The following CRCP variants were observed in gnomAD, a reference collection of about 807,000 sequenced individuals.
The protein encoded by CRCP is CGRP receptor component.
In CRCP, 18 loss-of-function variants were observed where a neutral mutation model predicts 18.5. The ratio of observed to expected loss-of-function variants is 0.97; its 90% confidence interval spans 0.67 to 1.44. The LOEUF (loss-of-function observed/expected upper bound fraction) is 1.44, where lower values mean the gene tolerates loss of function less well. Ranked by LOEUF, CRCP falls within the 40% of genes most tolerant of loss-of-function variation. The pLI, the probability that CRCP is intolerant of heterozygous loss-of-function variation, is 0.00. For missense variants in CRCP, 130 were observed against 176.4 expected (o/e 0.74, Z 1.49); for synonymous variants, 53 against 62.9 (o/e 0.84, Z 0.75).
chr7:66,115,322 A>G (rs549727344), intron 1 of CRCP, among the ~76,000 whole-genome samples: 2 of 152,294 alleles, frequency 1.3e-5, no homozygotes, highest in African/African-American at 4.8e-5. Context: ...TTAGAAGGCT[A>G]TAAAGGCCTG....
intron 4 of CRCP, among the ~76,000 whole-genome samples, chr7:66,142,384 G>A (rs919089517): frequency 6.6e-6 from 1 of 152,142 alleles, no homozygotes; most frequent in African/African-American, 2.4e-5. Flanking sequence ...CAAGAGGTTC[G>A]TTCCTCCACA....
At chr7:66,139,927 T>TG (rs984124794) in intron 4 of CRCP, among the ~76,000 whole-genome samples, 55 of 152,374 alleles carry the variant, frequency 3.6e-4, no homozygotes, top group African/African-American at 1.3e-3. Flanking sequence ...TACCCCCTTT[T>TG]GGGTCCTGTA....
chr7:66,133,858 C>CTTTTTTTTTTTT (rs751345422), intron 3 of CRCP, among the ~76,000 whole-genome samples: 25 of 96,714 alleles, frequency 2.6e-4, no homozygotes, highest in East Asian at 8.5e-4. Context: ...TTTTTGTTTT[C>CTTTTTTTTTTTT]TTTTTTTTTT....
intron 3 of CRCP, among the ~76,000 whole-genome samples, chr7:66,133,837 A>ATT (rs908623632): frequency 7.3e-6 from 1 of 136,628 alleles, no homozygotes; most frequent in Non-Finnish European, 1.6e-5. Flanking sequence ...TTTATACAGG[A>ATT]TTTTTTTTCT....
In CRCP at chr7:66,121,342, C is replaced by T. The variant is rs564146473; in HGVS notation, c.9-6362C>T. Among the ~76,000 whole-genome samples, 9 of 151,858 alleles carry T rather than the reference C, an allele frequency of 5.9e-5. 1 individual carries two copies. The South Asian group carries it at 8.3e-4, about 14-fold the overall frequency. ...CTGGGATTACAGGCATGAGCCACCGCGCTGGCCCAGAAATTTATTTAAGGG... is the reference window on the plus strand; with the variant it reads ...CTGGGATTACAGGCATGAGCCACCGTGCTGGCCCAGAAATTTATTTAAGGG... On this transcript the variant is annotated intron_variant, in intron 1 of 5. Transcript: ENST00000395326.
intron 5 of CRCP, among the ~76,000 whole-genome samples, chr7:66,146,474 G>C (rs549867668): frequency 2.6e-5 from 4 of 152,088 alleles, no homozygotes; most frequent in Non-Finnish European, 5.9e-5. Context: ...AGAAACTTTA[G>C]AGAATTAACA....
chr7:66,126,271 C>T (rs1250486795), intron 1 of CRCP, among the ~76,000 whole-genome samples: 1 of 149,240 alleles, frequency 6.7e-6, no homozygotes, highest in Non-Finnish European at 1.5e-5. Flanking sequence ...CGGAAGTCAC[C>T]TATCTGGCCC....
chr7:66,140,954 A>G (rs934110793), intron 4 of CRCP, among the ~76,000 whole-genome samples: 1 of 152,228 alleles, frequency 6.6e-6, no homozygotes, highest in Non-Finnish European at 1.5e-5. Flanking sequence ...AGCAGACTGT[A>G]GTATTCAAGG....
intron 3 of CRCP, among the ~76,000 whole-genome samples, chr7:66,133,541 CA>C (rs67165211): frequency 0.28 from 19,888 of 71,792 alleles, 1,490 homozygotes; most frequent in Middle Eastern, 0.41. Flanking sequence ...GACTCCGTCT[CA>C]AAAAAAAAAA....
At chr7:66,130,929 A>AT in intron 3 of CRCP, 87 bp downstream of exon 3, 1 of 772,754 alleles carries the variant, frequency 1.3e-6, no homozygotes, top group Non-Finnish European at 2.2e-6. Context: ...TGAAATTAAG[A>AT]TTGCTTTTTA....
intron 2 of CRCP, chr7:66,129,983 G>A (rs1787743451): frequency 8.1e-6 from 2 of 246,188 alleles, no homozygotes; most frequent in South Asian, 7.7e-5. Context: ...AAGATCCATA[G>A]CATTTTTTCC....
At chr7:66,133,250 A>G (rs1010681617) in intron 3 of CRCP, among the ~76,000 whole-genome samples, 4 of 152,078 alleles carry the variant, frequency 2.6e-5, no homozygotes, top group African/African-American at 9.7e-5. Flanking sequence ...TCATGCCTAT[A>G]ATCCCAGCAC....
At chr7:66,148,185 A>G (rs917644526) in intron 5 of CRCP, among the ~76,000 whole-genome samples, 1 of 152,134 alleles carries the variant, frequency 6.6e-6, no homozygotes, top group African/African-American at 2.4e-5. Flanking sequence ...AACATGGCGA[A>G]ACCTCATCCC....
At chr7:66,134,259 C>T (rs73699721) in intron 3 of CRCP, 21 bp from the exon 4 acceptor site, 48 of 1,386,990 alleles carry the variant, frequency 3.5e-5, no homozygotes, top group Non-Finnish European at 2.7e-5. Flanking sequence ...TGGCTTTTTT[C>T]TTTTTTTTTT....
intron 4 of CRCP, among the ~76,000 whole-genome samples, chr7:66,139,865 C>T (rs1788080989): frequency 6.6e-6 from 1 of 152,208 alleles, no homozygotes; most frequent in African/African-American, 2.4e-5. Context: ...GAGTCCCCTT[C>T]TCTAGCTCTC....
chr7:66,148,456 A>G (rs926990005), intron 5 of CRCP, among the ~76,000 whole-genome samples: 1 of 152,162 alleles, frequency 6.6e-6, no homozygotes, highest in Non-Finnish European at 1.5e-5. Flanking sequence ...CACTAGAGCC[A>G]TTTTTTCTCC....
intron 1 of CRCP, among the ~76,000 whole-genome samples, chr7:66,117,491 T>A (rs756088918): frequency 1.3e-5 from 2 of 152,202 alleles, no homozygotes; most frequent in South Asian, 2.1e-4. Flanking sequence ...GCCCTCTCTC[T>A]TCACTCCCTA....
chr7:66,150,180 C>T (rs2116054872), intron 5 of CRCP, among the ~76,000 whole-genome samples: 1 of 151,522 alleles, frequency 6.6e-6, no homozygotes, highest in African/African-American at 2.4e-5. Context: ...CTTTGGGAGG[C>T]CGAGGTGAGT....
intron 4 of CRCP, among the ~76,000 whole-genome samples, chr7:66,142,072 G>A (rs1788157399): frequency 6.6e-6 from 1 of 152,102 alleles, no homozygotes; most frequent in Non-Finnish European, 1.5e-5. Context: ...TTTAGTCTTT[G>A]CGATCCCTCT....
Sources: allele counts gnomAD v4.1 joint callset (sites outside exome capture counted in the v4.1 genomes callset), GRCh38; gene constraint gnomAD v4.1.1; transcripts MANE v1.5; gene names NCBI Gene and HGNC (gene_info 2026-07-23, HGNC 2026-07-21).